VDR: variants seen among roughly 807,000 people sequenced by gnomAD.
The protein encoded by VDR is vitamin D receptor.
VDR carries 19 observed loss-of-function variants against 39.7 expected under a neutral mutation model. That is an observed-to-expected ratio of 0.48 (90% CI 0.33 to 0.70). The LOEUF (loss-of-function observed/expected upper bound fraction) is 0.70, where lower values mean the gene tolerates loss of function less well. VDR is among the 30% of genes least tolerant of loss of function. The pLI is 0.02. For synonymous variants in VDR, 242 were observed against 215.8 expected, an observed-to-expected ratio of 1.12 and a Z score of -1.07; for missense variants, 442 against 570.5, an observed-to-expected ratio of 0.77 and a Z score of 2.29.
intron 1 of VDR, chr12:47,898,883 A>C (rs1946510136): frequency 6.5e-6 from 1 of 154,250 alleles, no homozygotes; most frequent in Non-Finnish European, 1.5e-5. Context: ...ATTAACCAAA[A>C]TTCACTTTGG....
At position 47,857,603 on chromosome 12, in the gene VDR, C is replaced by T. The variant is rs756162869; in HGVS notation, c.363G>A (p.Arg121=). ...KEEEALKDSL[R]PKLSEEQQRI... is the part of the protein sequence containing the mutation. ...GCTGCTGCTCCTCAGACAGCTTGGG[C>T]CGCAGACTGTCCTTCAAGGCCTCCT... Residue 121 remains arginine (R), a synonymous_variant, in exon 5 of 10, where the codon CGG becomes CGA. Transcript: ENST00000549336. 3 of 1,614,082 alleles carry T rather than the reference C, an allele frequency of 1.9e-6. No individual in the cohort carries two copies. The highest frequency in any genetic ancestry group is 2.5e-6 in the Non-Finnish European group (3 of 1,180,044).
At chr12:47,858,119 A>C (rs972865187) in intron 4 of VDR, among the ~76,000 whole-genome samples, 1 of 152,118 alleles carries the variant, frequency 6.6e-6, no homozygotes, top group Non-Finnish European at 1.5e-5. Flanking sequence ...TGGGGGAAGT[A>C]ATAATACCTG....
At position 47,844,326 on chromosome 12, in the gene VDR, T is replaced by G. The variant is rs764747503; in HGVS notation, c.*420A>C. On this transcript the variant is annotated 3_prime_UTR_variant, in exon 10 of 10. Coordinates refer to ENST00000549336, the MANE Select transcript of VDR (RefSeq NM_000376.3). ...AGTAGGCAGGAGAGGGAGACCCCAC[T>G]AGGCGCTGGACAAGCGGGGCCTGCA... 1 of 305,338 alleles carries G rather than the reference T, an allele frequency of 3.3e-6. No individual in the cohort carries two copies. Among genetic ancestry groups the G allele is most frequent in the Non-Finnish European group, 6.3e-6 (1 of 159,234 alleles). 18.9% of individuals were successfully genotyped at this position (305,338 alleles called of 1,614,324 possible).
intron 1 of VDR, chr12:47,896,505 C>G (rs113389151): frequency 6.6e-6 from 1 of 152,180 alleles, no homozygotes; most frequent in Non-Finnish European, 1.5e-5. Flanking sequence ...GGTGGAGTTA[C>G]GCACAGAGCT....
At chr12:47,878,759 C>T in intron 3 of VDR, 1 of 825,050 alleles carries the variant, frequency 1.2e-6, no homozygotes, top group Non-Finnish European at 2.0e-6. Flanking sequence ...AAGCGATTTC[C>T]AAGAGAGTCA....
intron 2 of VDR, 44 bp from the exon 3 acceptor site, chr12:47,879,159 G>C (rs770238728): frequency 6.3e-7 from 1 of 1,597,952 alleles, no homozygotes; most frequent in Non-Finnish European, 8.5e-7. Flanking sequence ...CAGAGTCAGT[G>C]CCAGGGCCAG....
chr12:47,842,516 T>C lies in VDR; in HGVS notation c.*2230A>G, dbSNP rs1042297424. The C allele has an allele frequency of 6.6e-6, 1 of 152,000 alleles. No homozygotes were observed. The highest frequency in any genetic ancestry group is 2.4e-5 in the African/African-American group (1 of 41,334). 9.4% of individuals were successfully genotyped at this position (152,000 alleles called of 1,614,324 possible). A position where few individuals can be genotyped will look rare whatever the true frequency, so the allele number is the denominator to read the frequency against. On this transcript the variant is annotated 3_prime_UTR_variant, in exon 10 of 10. Transcript: ENST00000549336. Reference sequence around the variant, plus strand: ...CGCTCTTGTTGTCCAGGTTGGAGAGTAACGGCACGATCTCAGCTCACTGCA... The same window carrying C: ...CGCTCTTGTTGTCCAGGTTGGAGAGCAACGGCACGATCTCAGCTCACTGCA...
At chr12:47,891,904 C>T (rs1286348508) in intron 1 of VDR, among the ~76,000 whole-genome samples, 11 of 152,112 alleles carry the variant, frequency 7.2e-5, no homozygotes, top group African/African-American at 2.7e-4. Flanking sequence ...CACCACCCAC[C>T]CCCACCCACC....
chr12:47,881,102 G>GTATA (rs576567216), intron 2 of VDR, among the ~76,000 whole-genome samples: 1 of 102,894 alleles, frequency 9.7e-6, no homozygotes, highest in East Asian at 3.0e-4. Flanking sequence ...GTGTGTGTGT[G>GTATA]TGTATATATA....
Position 47,859,875 on chromosome 12 carries a change from TTC to T in VDR, c.278-2189_278-2188del, listed in dbSNP as rs1223139867. Among the ~76,000 whole-genome samples the T allele has an allele frequency of 1.4e-4, 4 of 28,240 alleles. No homozygotes were observed. The African/African-American group carries it at 1.7e-3, about 12-fold the overall frequency. The allele number at this position is 28,240 out of a possible 152,430, so 18.5% of individuals were successfully genotyped here. On this transcript the variant is annotated intron_variant, in intron 4 of 9. Transcript: ENST00000549336. The stretch of plus-strand genomic sequence containing the variant: ...CTTCCTTCCTTCCTTCTTTCCTTCC[TTC>T]CTTCCTTCCTTCCTTCCTTCCTTCC...
intron 1 of VDR, among the ~76,000 whole-genome samples, chr12:47,893,236 C>A (rs1017814107): frequency 6.6e-6 from 1 of 152,222 alleles, no homozygotes; most frequent in Non-Finnish European, 1.5e-5. Context: ...CCTGAATCCA[C>A]CTTGAGTGTT....
At chr12:47,899,805 C>T in intron 1 of VDR, 2 of 794,482 alleles carry the variant, frequency 2.5e-6, no homozygotes, top group South Asian at 5.6e-5. Flanking sequence ...GGTTTCCCCA[C>T]TATGCCTGCT....
At chr12:47,877,279 G>A (rs536039543) in intron 3 of VDR, among the ~76,000 whole-genome samples, 4 of 152,192 alleles carry the variant, frequency 2.6e-5, no homozygotes, top group African/African-American at 9.6e-5. Context: ...GGCTGGCTGC[G>A]AGGCTTTTGT....
At chr12:47,880,544 C>T (rs1946125391) in intron 2 of VDR, among the ~76,000 whole-genome samples, 1 of 152,116 alleles carries the variant, frequency 6.6e-6, no homozygotes, top group South Asian at 2.1e-4. Flanking sequence ...GAGCTTCACA[C>T]CAAGGGAAAG....
At chr12:47,871,190 G>A (rs143860039) in intron 3 of VDR, among the ~76,000 whole-genome samples, 2 of 152,272 alleles carry the variant, frequency 1.3e-5, no homozygotes, top group Non-Finnish European at 2.9e-5. Context: ...CGGTCCATGG[G>A]CGCAATGGTG....
chr12:47,890,534 C>T (rs1318567389), intron 1 of VDR, among the ~76,000 whole-genome samples: 1 of 152,108 alleles, frequency 6.6e-6, no homozygotes, highest in Admixed American at 6.5e-5. Context: ...AGCCCCAAGG[C>T]AGTGGCCTGA....
intron 7 of VDR, among the ~76,000 whole-genome samples, chr12:47,850,038 A>T (rs1945355468): frequency 6.6e-6 from 1 of 152,106 alleles, no homozygotes; most frequent in Non-Finnish European, 1.5e-5. Context: ...TTTAGTAGAT[A>T]TGGGGTTTCA....
At chr12:47,883,758 C>T (rs1441433862) in intron 1 of VDR, among the ~76,000 whole-genome samples, 1 of 152,226 alleles carries the variant, frequency 6.6e-6, no homozygotes, top group Non-Finnish European at 1.5e-5. Flanking sequence ...TCTTTGGAGA[C>T]CTCTGTCTTC....
At chr12:47,887,382 C>G (rs2137224366) in intron 1 of VDR, among the ~76,000 whole-genome samples, 1 of 151,138 alleles carries the variant, frequency 6.6e-6, no homozygotes, top group South Asian at 2.1e-4. Flanking sequence ...AAAAGGATCC[C>G]TTTTTCTAAG....
Sources: allele counts gnomAD v4.1 joint callset (sites outside exome capture counted in the v4.1 genomes callset), GRCh38; gene constraint gnomAD v4.1.1; transcripts MANE v1.5; gene names NCBI Gene and HGNC (gene_info 2026-07-23, HGNC 2026-07-21).